SERGEF: variants seen among roughly 807,000 people sequenced by gnomAD.
The protein encoded by SERGEF is secretion regulating guanine nucleotide exchange factor.
A neutral mutation model predicts 50.0 loss-of-function variants in SERGEF; 51 were observed. The observed-to-expected ratio is 1.02, with a 90% CI of 0.81 to 1.29. The LOEUF is 1.29. SERGEF is among the 50% of genes most tolerant of loss of function. The pLI is 0.00. For missense variants in SERGEF, 521 were observed against 557.0 expected (o/e 0.94, Z 0.65); for synonymous variants, 205 against 212.4 (o/e 0.97, Z 0.30).
At chr11:17,840,026 G>A (rs1237124244) in intron 10 of SERGEF, among the ~76,000 whole-genome samples, 1 of 152,182 alleles carries the variant, frequency 6.6e-6, no homozygotes, top group Non-Finnish European at 1.5e-5. Flanking sequence ...TTAAAGCTGC[G>A]ATTCTCAGTC....
chr11:18,012,509 G>A lies in SERGEF; in HGVS notation c.60+442C>T, dbSNP rs902391359. The A allele has an allele frequency of 1.4e-5, 16 of 1,116,242 alleles. No individual in the cohort carries two copies. The South Asian group carries it at 2.9e-4, about 20-fold the overall frequency. The allele number at this position is 1,116,242 out of a possible 1,614,324, so 69.1% of individuals were successfully genotyped here. A position where few individuals can be genotyped will look rare whatever the true frequency, so the allele number is the denominator to read the frequency against. The stretch of plus-strand genomic sequence containing the variant: ...AAACACCGCAGGCCTCACATCTAAA[G>A]GATGCTTTCGCCAGGCTGGGACAGG... On this transcript the variant is annotated intron_variant, in intron 1 of 10. Transcript: ENST00000265965.
intron 9 of SERGEF, among the ~76,000 whole-genome samples, chr11:17,906,699 C>T (rs963413308): frequency 1.3e-5 from 2 of 152,158 alleles, no homozygotes; most frequent in Non-Finnish European, 2.9e-5. Flanking sequence ...CAATCAGATA[C>T]TGCAGCCGGC....
intron 9 of SERGEF, among the ~76,000 whole-genome samples, chr11:17,919,687 T>C (rs1816445719): frequency 6.6e-6 from 1 of 152,218 alleles, no homozygotes; most frequent in African/African-American, 2.4e-5. Flanking sequence ...ACTTGAGTCA[T>C]GCCAGCTTCC....
rs1332110635 is a variant in SERGEF, at chr11:17,888,024, G to A, written c.1012-9780C>T. On this transcript the variant is annotated intron_variant, in intron 9 of 10. Coordinates refer to ENST00000265965, the MANE Select transcript of SERGEF (RefSeq NM_012139.4). This position sits in a 1 kb window ranked among gnomAD's most constrained non-coding sequence, Gnocchi z 4.1. ...TCCTGTCAGATCAGCGGTGGCATTA[G>A]ATTCTCATATGAGCACAAACCCTAT... Among the ~76,000 whole-genome samples the A allele has an allele frequency of 6.6e-6, 1 of 152,194 alleles. No homozygotes were observed. Among genetic ancestry groups the A allele is most frequent in the Admixed American group, 6.5e-5 (1 of 15,282 alleles).
intron 8 of SERGEF, among the ~76,000 whole-genome samples, chr11:17,965,258 T>C (rs2133976362): frequency 6.6e-6 from 1 of 152,354 alleles, no homozygotes; most frequent in Admixed American, 6.5e-5. Context: ...TCATTCTCTC[T>C]GCTGCCGCCC....
chr11:17,790,243 G>C (rs763300876), intron 10 of SERGEF, among the ~76,000 whole-genome samples: 3 of 152,008 alleles, frequency 2.0e-5, no homozygotes, highest in Non-Finnish European at 4.4e-5. Flanking sequence ...CACATCATTT[G>C]CATGGTTTCA....
intron 10 of SERGEF, among the ~76,000 whole-genome samples, chr11:17,800,940 A>G (rs1023997461): frequency 1.8e-4 from 27 of 152,154 alleles, no homozygotes; most frequent in Non-Finnish European, 3.4e-4. Flanking sequence ...TCACACCTGT[A>G]ATCCCAGCAC....
Position 18,012,940 on chromosome 11 carries a change from G to A in SERGEF, c.60+11C>T, listed in dbSNP as rs1488744147. Reference sequence around the variant, plus strand: ...CAGGGCCTGCACCGGCCCGGGGGCGGAGTCACGTACCCAGGCGAAGAGCGC... The same window carrying A: ...CAGGGCCTGCACCGGCCCGGGGGCGAAGTCACGTACCCAGGCGAAGAGCGC... On this transcript the variant is annotated intron_variant, in intron 1 of 10. Coordinates refer to ENST00000265965, the MANE Select transcript of SERGEF (RefSeq NM_012139.4). 1.3e-6 allele frequency: 2 copies of A among 1,517,204 alleles called. No individual in the cohort carries two copies. Among genetic ancestry groups the A allele is most frequent in the South Asian group, 1.2e-5 (1 of 82,358 alleles). 94.0% of individuals were successfully genotyped at this position (1,517,204 alleles called of 1,614,324 possible).
intron 10 of SERGEF, among the ~76,000 whole-genome samples, chr11:17,849,686 T>C (rs922869444): frequency 6.6e-6 from 1 of 152,246 alleles, no homozygotes; most frequent in African/African-American, 2.4e-5. Context: ...GGTTGCTTTA[T>C]ATACATTATT....
At chr11:17,959,708 A>G (rs1244311222) in intron 8 of SERGEF, 72 bp from the exon 9 acceptor site, 1 of 1,350,982 alleles carries the variant, frequency 7.4e-7, no homozygotes, top group African/African-American at 1.5e-5. Flanking sequence ...AATGAATTAC[A>G]AGAGAAAGTG....
intron 9 of SERGEF, among the ~76,000 whole-genome samples, chr11:17,901,128 C>T (rs1408853359): frequency 6.6e-6 from 1 of 152,094 alleles, no homozygotes; most frequent in Non-Finnish European, 1.5e-5. Context: ...TCACCTCCTC[C>T]TCCCACTCCC....
chr11:17,857,744 C>T (rs1333758435), intron 10 of SERGEF, among the ~76,000 whole-genome samples: 1 of 152,202 alleles, frequency 6.6e-6, no homozygotes, highest in Non-Finnish European at 1.5e-5. Context: ...TTCCAGCCTG[C>T]CTCACATTCT....
At chr11:17,848,729 C>T (rs1341332888) in intron 10 of SERGEF, among the ~76,000 whole-genome samples, 1 of 152,142 alleles carries the variant, frequency 6.6e-6, no homozygotes, top group Non-Finnish European at 1.5e-5. Context: ...TGATGAACAT[C>T]TTTAACCATA....
At chr11:17,960,656 A>G (rs551693010) in intron 8 of SERGEF, among the ~76,000 whole-genome samples, 1 of 152,354 alleles carries the variant, frequency 6.6e-6, no homozygotes, top group South Asian at 2.1e-4. Context: ...CTGGCCCCAC[A>G]TTCAACATAT....
intron 10 of SERGEF, among the ~76,000 whole-genome samples, chr11:17,829,885 A>C (rs201663519): frequency 1.3e-5 from 2 of 152,332 alleles, no homozygotes; most frequent in East Asian, 1.9e-4. Flanking sequence ...AAAACAAAAA[A>C]CACATAAACA....
intron 9 of SERGEF, among the ~76,000 whole-genome samples, chr11:17,921,787 G>T (rs1004609080): frequency 1.3e-5 from 2 of 152,154 alleles, no homozygotes; most frequent in African/African-American, 4.8e-5. Flanking sequence ...CACATGCAAA[G>T]GCCTGGAAGC....
At chr11:17,819,029 A>G (rs958051077) in intron 10 of SERGEF, among the ~76,000 whole-genome samples, 1 of 152,230 alleles carries the variant, frequency 6.6e-6, no homozygotes, top group African/African-American at 2.4e-5. Context: ...TGCTTCTGCA[A>G]TAGCTCTGTA....
At chr11:17,800,559 AC>A (rs1035836783) in intron 10 of SERGEF, among the ~76,000 whole-genome samples, 19 of 152,224 alleles carry the variant, frequency 1.2e-4, no homozygotes, top group African/African-American at 4.6e-4. Flanking sequence ...CAAACAACAC[AC>A]AAGGTCCCTG....
intron 10 of SERGEF, among the ~76,000 whole-genome samples, chr11:17,816,701 T>C (rs2237943): frequency 0.51 from 77,703 of 152,048 alleles, 20,434 homozygotes; most frequent in East Asian, 0.86. Flanking sequence ...AGGCGATCCT[T>C]GTCTTGGTAT....
Sources: allele counts gnomAD v4.1 joint callset (sites outside exome capture counted in the v4.1 genomes callset), GRCh38; gene constraint gnomAD v4.1.1; non-coding constraint Gnocchi (gnomAD v3.1); transcripts MANE v1.5; gene names NCBI Gene and HGNC (gene_info 2026-07-23, HGNC 2026-07-21).